The following NHSL3 variants were observed in gnomAD, a reference collection of about 807,000 sequenced individuals.
NHSL3 encodes NHS-like protein 3.
At chr1:32,771,114 C>A in the NHSL3 span, 1 of 1,613,648 alleles carries the variant, frequency 6.2e-7, no homozygotes, top group South Asian at 1.1e-5. Context: ...CCTCAGACCG[C>A]TCTGGGCCAC....
chr1:32,751,329 C>T, the NHSL3 span, among the ~76,000 whole-genome samples: 1 of 152,324 alleles, frequency 6.6e-6, no homozygotes, highest in Admixed American at 6.5e-5. Flanking sequence ...TCACTACCTC[C>T]GTCAGTATGC....
chr1:32,742,286 G>T, the NHSL3 span: 1 of 1,128,480 alleles, frequency 8.9e-7, no homozygotes. Flanking sequence ...TTGGAGGGGG[G>T]TGACCCCCAG....
At chr1:32,770,632 T>G in the NHSL3 span, 1 of 1,517,362 alleles carries the variant, frequency 6.6e-7, no homozygotes. The surrounding 1 kb of genome is among the most constrained non-coding windows in gnomAD (Gnocchi z 8.3). Context: ...TGGGCAGTTG[T>G]CTGGCCGGAG....
the NHSL3 span, chr1:32,769,724 G>C: frequency 1.2e-6 from 2 of 1,613,946 alleles, no homozygotes; most frequent in African/African-American, 2.7e-5. Context: ...AAGTCAGGGC[G>C]GCGTCGGCGG....
chr1:32,765,498 A>T, the NHSL3 span: 1 of 676,880 alleles, frequency 1.5e-6, no homozygotes, highest in South Asian at 1.9e-5. Context: ...CTACTGGAGC[A>T]GAGCACCCAC....
the NHSL3 span, among the ~76,000 whole-genome samples, chr1:32,745,085 C>CAAG: frequency 2.0e-5 from 3 of 148,500 alleles, no homozygotes; most frequent in South Asian, 6.4e-4. Flanking sequence ...AAGATTGCAC[C>CAAG]GCTGCACTCC....
At chr1:32,745,578 A>G in the NHSL3 span, among the ~76,000 whole-genome samples, 2 of 134,100 alleles carry the variant, frequency 1.5e-5, no homozygotes, top group South Asian at 4.9e-4. Flanking sequence ...AAAAAAAAAA[A>G]TGGACAACTC....
chr1:32,752,374 A>G, the NHSL3 span, among the ~76,000 whole-genome samples: 1 of 152,144 alleles, frequency 6.6e-6, no homozygotes, highest in Non-Finnish European at 1.5e-5. Context: ...AGGAAGGATA[A>G]GCCATGTGGG....
chr1:32,745,427 G>A, the NHSL3 span, among the ~76,000 whole-genome samples: 4 of 151,866 alleles, frequency 2.6e-5, no homozygotes, highest in African/African-American at 4.8e-5. Flanking sequence ...GCGTGGTGGC[G>A]CGTGCCTGTA....
the NHSL3 span, chr1:32,770,444 C>G: frequency 6.2e-7 from 1 of 1,607,432 alleles, no homozygotes; most frequent in Middle Eastern, 1.7e-4. This position sits in a 1 kb window ranked among gnomAD's most constrained non-coding sequence, Gnocchi z 8.3. Context: ...TCTCAATCCT[C>G]CGACACCATT....
At chr1:32,742,092 CAAG>C in the NHSL3 span, 11 of 1,254,282 alleles carry the variant, frequency 8.8e-6, no homozygotes, top group Non-Finnish European at 1.1e-5. Context: ...GCAAGCGGCG[CAAG>C]AAGAAGGCGG....
At chr1:32,760,385 G>A in the NHSL3 span, among the ~76,000 whole-genome samples, 3 of 152,326 alleles carry the variant, frequency 2.0e-5, no homozygotes, top group East Asian at 1.9e-4. Context: ...GTGCGCATGC[G>A]CGTGGCCTTG....
At chr1:32,756,657 C>CAAAAAA in the NHSL3 span, among the ~76,000 whole-genome samples, 1 of 49,958 alleles carries the variant, frequency 2.0e-5, no homozygotes, top group African/African-American at 8.4e-5. Flanking sequence ...ACCCTGTCTC[C>CAAAAAA]AAAAAAAAAA....
the NHSL3 span, chr1:32,768,251 C>T: frequency 1.4e-6 from 1 of 736,946 alleles, no homozygotes. Flanking sequence ...AGGGCTAGTT[C>T]AGGGTTGCTC....
At chr1:32,763,864 G>A in the NHSL3 span, among the ~76,000 whole-genome samples, 13 of 148,412 alleles carry the variant, frequency 8.8e-5, no homozygotes, top group South Asian at 1.3e-3. Flanking sequence ...GTGAGCCACC[G>A]CGCCTGGCTG....
chr1:32,744,089 TC>T, the NHSL3 span, among the ~76,000 whole-genome samples: 1 of 152,188 alleles, frequency 6.6e-6, no homozygotes, highest in South Asian at 2.1e-4. Flanking sequence ...AAGGCTTAAC[TC>T]TTTCAGGGAG....
At chr1:32,764,265 C>T in the NHSL3 span, among the ~76,000 whole-genome samples, 4 of 151,266 alleles carry the variant, frequency 2.6e-5, no homozygotes, top group Non-Finnish European at 5.9e-5. Context: ...TCTTCACTAC[C>T]CAAAATTACA....
At chr1:32,749,479 T>C in the NHSL3 span, among the ~76,000 whole-genome samples, 22 of 152,112 alleles carry the variant, frequency 1.4e-4, no homozygotes, top group African/African-American at 5.3e-4. Context: ...CGAGATGTCA[T>C]AGGGAGCCCT....
the NHSL3 span, chr1:32,742,156 G>C: frequency 8.0e-7 from 1 of 1,245,570 alleles, no homozygotes; most frequent in Non-Finnish European, 1.0e-6. Context: ...GAAGGCGGAG[G>C]ACAAGGCCAA....
Sources: gnomAD v4.1 joint callset for allele counts (sites outside exome capture counted in the v4.1 genomes callset) on GRCh38, gnomAD v4.1.1 for gene constraint, Gnocchi (gnomAD v3.1) non-coding constraint, MANE v1.5 for transcripts, NCBI Gene and HGNC (gene_info 2026-07-23, HGNC 2026-07-21) for gene names.